Variants in MYH11 observed in about 807,000 individuals in gnomAD.
MYH11 encodes myosin-11.
Under a neutral mutation model 246.6 loss-of-function variants are expected in MYH11, and 80 were observed. The observed-to-expected ratio is 0.32, with a 90% CI of 0.27 to 0.39. MYH11 has a LOEUF of 0.39. MYH11 is among the 10% of genes least tolerant of loss of function. The pLI, the probability that MYH11 is intolerant of heterozygous loss-of-function variation, is 1.00. For missense variants in MYH11, 2,158 were observed against 2,546.8 expected, an observed-to-expected ratio of 0.85 and a Z score of 3.29; for synonymous variants, 1,071 against 1,015.5, an observed-to-expected ratio of 1.05 and a Z score of -1.04.
Position 15,721,419 on chromosome 16 carries a change from T to C in MYH11, c.4578+3A>G, listed in dbSNP as rs143288748. 2.1e-3 allele frequency: 3,392 copies of C among 1,614,072 alleles called. 7 individuals are homozygous for C. The highest frequency in any genetic ancestry group is 2.6e-3 in the Non-Finnish European group (3,060 of 1,179,950). On this transcript the variant is annotated splice_donor_region_variant and intron_variant, in intron 32 of 40. Transcript: ENST00000300036. ...ACGAGAAAAACCACCCAGAGCCACT[T>C]ACGTTCTTGCCCACGTCATCCTTGG...
intron 40 of MYH11, among the ~76,000 whole-genome samples, chr16:15,705,061 C>T (rs1402287507): frequency 6.6e-6 from 1 of 152,198 alleles, no homozygotes; most frequent in African/African-American, 2.4e-5. Flanking sequence ...CTCACTGCAA[C>T]CTCTGCCTCC....
chr16:15,735,992 C>T (rs2041106775), intron 25 of MYH11, among the ~76,000 whole-genome samples: 1 of 152,236 alleles, frequency 6.6e-6, no homozygotes, highest in Admixed American at 6.5e-5. Context: ...GCCCCATGCA[C>T]AGCATTTGGC....
At chr16:15,714,769 TAAG>T (rs750620258) in intron 40 of MYH11, 137 bp downstream of exon 40, 6 of 1,109,964 alleles carry the variant, frequency 5.4e-6, no homozygotes, top group Non-Finnish European at 8.0e-6. Flanking sequence ...GCTTAGTGAT[TAAG>T]GAGAAGCAGG....
In MYH11 at chr16:15,829,193, A is replaced by AT. The variant is rs577750249; in HGVS notation, c.346-5783_346-5782insA. ...GTGAGACTGTCTCAAAGAAAAAAAAAAAAAGAATAAAATGAATTTTTAAAA... is the reference window on the plus strand; with the variant it reads ...GTGAGACTGTCTCAAAGAAAAAAAAATAAAAGAATAAAATGAATTTTTAAAA... On this transcript the variant is annotated intron_variant, in intron 2 of 40. Transcript: ENST00000300036. Among the ~76,000 whole-genome samples the AT allele has an allele frequency of 5.4e-3, 827 of 152,190 alleles. 10 individuals carry two copies. Among genetic ancestry groups the AT allele is most frequent in the African/African-American group, 0.019 (788 of 41,532 alleles).
intron 1 of MYH11, among the ~76,000 whole-genome samples, chr16:15,849,601 C>G (rs566709419): frequency 2.0e-5 from 3 of 152,156 alleles, no homozygotes; most frequent in Non-Finnish European, 4.4e-5. Context: ...ACCAGAACAC[C>G]CAGCTAATTT....
chr16:15,855,803 A>G (rs1308114960), intron 1 of MYH11, among the ~76,000 whole-genome samples: 1 of 152,228 alleles, frequency 6.6e-6, no homozygotes, highest in Non-Finnish European at 1.5e-5. Context: ...TAAATCAAAG[A>G]AACAAAAAAC....
At chr16:15,708,755 A>G (rs928352490) in intron 40 of MYH11, 2 of 1,583,282 alleles carry the variant, frequency 1.3e-6, no homozygotes, top group African/African-American at 2.7e-5. Context: ...GGCAGAAAAG[A>G]AATGGATACT....
intron 40 of MYH11, among the ~76,000 whole-genome samples, chr16:15,706,141 A>G (rs1240053289): frequency 2.0e-5 from 3 of 152,184 alleles, no homozygotes; most frequent in East Asian, 3.8e-4. Flanking sequence ...TGCAGCGATC[A>G]GGAATAAATA....
At position 15,724,504 on chromosome 16, in the gene MYH11, C is replaced by T. The variant is rs970541413; in HGVS notation, c.4117-95G>A. Reference sequence around the variant, plus strand: ...CTCTGAGAAGCGAAGACCATGTCTCCTCGTTGGAGAAACCCAATAGCAGGG... The same window carrying T: ...CTCTGAGAAGCGAAGACCATGTCTCTTCGTTGGAGAAACCCAATAGCAGGG... On this transcript the variant is annotated intron_variant, in intron 30 of 40. Transcript: ENST00000300036. 5 of 1,608,424 alleles carry T rather than the reference C, an allele frequency of 3.1e-6. No homozygotes were observed. In the South Asian group the frequency reaches 4.4e-5, roughly 14 times the overall value.
At chr16:15,766,430 G>A (rs546661380) in intron 9 of MYH11, among the ~76,000 whole-genome samples, 1 of 151,162 alleles carries the variant, frequency 6.6e-6, no homozygotes, top group South Asian at 2.1e-4. Context: ...GTGCATTGGT[G>A]CAATCTCGGC....
At position 15,778,841 on chromosome 16, in the gene MYH11, G is replaced by T. The variant is rs1034272331; in HGVS notation, c.729C>A (p.Gly243=). ...CGTCGAAGTTGATGCGGATGAATTTGCCCTGCCAACAGGAAAACACAGTTC... is the reference window on the plus strand; with the variant it reads ...CGTCGAAGTTGATGCGGATGAATTTTCCCTGCCAACAGGAAAACACAGTTC... The part of the protein sequence containing the change: ...TVKNDNSSRF[G]KFIRINFDVT... The change falls in exon 7 of 41, where the codon GGC becomes GGA. Residue 243 remains glycine, a splice_region_variant and synonymous_variant. Transcript: ENST00000300036. The T allele has an allele frequency of 7.4e-6, 12 of 1,613,940 alleles. No homozygotes were observed. Among genetic ancestry groups the T allele is most frequent in the African/African-American group, 6.7e-5 (5 of 74,868 alleles).
intron 6 of MYH11, 134 bp downstream of exon 6, chr16:15,782,251 G>T: frequency 1.3e-6 from 1 of 751,870 alleles, no homozygotes; most frequent in Non-Finnish European, 2.4e-6. Flanking sequence ...AGGAGCCCTT[G>T]CAAGATTGTG....
At chr16:15,719,916 G>GTTCT (rs906403313) in intron 34 of MYH11, among the ~76,000 whole-genome samples, 1 of 152,172 alleles carries the variant, frequency 6.6e-6, no homozygotes, top group African/African-American at 2.4e-5. Flanking sequence ...AGACCTGCCT[G>GTTCT]AGAAGCTGAG....
Position 15,726,922 on chromosome 16 carries a change from G to A in MYH11, c.3784C>T (p.Gln1262Ter), listed in dbSNP as rs767764289. 1 of 1,612,900 alleles carries A rather than the reference G, an allele frequency of 6.2e-7. No individual in the cohort carries two copies. Among genetic ancestry groups the A allele is most frequent in the South Asian group, 1.1e-5 (1 of 91,072 alleles). ...HKKKKLEAQV[Q>*]ELQSKCSDGE... ...TCGCTGCACTTGGACTGCAGCTCCT[G>A]CACCTGCGCCTCCAGCTTCTTCTTC... Residue 1262 changes from glutamine to a stop codon, truncating the protein, a stop_gained, in exon 28 of 41, where the codon CAG becomes TAG. Transcript: ENST00000300036. LOFTEE classifies it high-confidence loss of function.
At chr16:15,845,738 G>A (rs1008979480) in intron 1 of MYH11, among the ~76,000 whole-genome samples, 2 of 152,076 alleles carry the variant, frequency 1.3e-5, no homozygotes, top group South Asian at 2.1e-4. Context: ...GAAGGAGAGA[G>A]AGAGAGAGAA....
At chr16:15,726,393 A>C (rs1238501132) in intron 28 of MYH11, 2 of 157,280 alleles carry the variant, frequency 1.3e-5, no homozygotes, top group African/African-American at 2.5e-5. Flanking sequence ...TTCCTGAGAC[A>C]GAGTTTTGCC....
At chr16:15,849,140 G>T (rs1265760912) in intron 1 of MYH11, among the ~76,000 whole-genome samples, 1 of 152,272 alleles carries the variant, frequency 6.6e-6, no homozygotes, top group South Asian at 2.1e-4. Flanking sequence ...ATAGCTTACT[G>T]CAGGCTCAAA....
chr16:15,717,305 G>T lies in MYH11; in HGVS notation c.5339C>A (p.Ala1780Asp). 6.2e-7 allele frequency: 1 copy of T among 1,612,078 alleles called. No individual in the cohort carries two copies. The highest frequency in any genetic ancestry group is 8.5e-7 in the Non-Finnish European group (1 of 1,180,018). The change falls in exon 38 of 41, where the codon GCC becomes GAC. Residue 1780 changes from alanine (A) to aspartate (D), a missense_variant. By Grantham distance (126) the Ala-to-Asp change is moderately radical. Around this residue, in one of 11 missense-constraint regions of MYH11, gnomAD observed 1,013 missense variants for 993.5 expected, o/e 1.02. Coordinates refer to ENST00000300036, the MANE Select transcript of MYH11 (RefSeq NM_002474.3). Reference sequence around the variant, plus strand: ...CTGCCGGGCACTCTCATTCTTCTGGGCCGTGCTGCGCTCTGTGGCCAGCTC... The same window carrying T: ...CTGCCGGGCACTCTCATTCTTCTGGTCCGTGCTGCGCTCTGTGGCCAGCTC... ...SNELATERST[A>D]QKNESARQQL...
In MYH11 at chr16:15,776,121, G is replaced by A. The variant is rs779250750; in HGVS notation, c.846C>T (p.His282=). The change falls in exon 8 of 41, where the codon CAC becomes CAT. Residue 282 remains histidine, a synonymous_variant. Coordinates refer to ENST00000300036, the MANE Select transcript of MYH11 (RefSeq NM_002474.3). ...IRQARDERTF[H]IFYYMIAGAK... ...CTCCAGCAATCATGTAGTAAAAGAT[G>A]TGGAATGTCCTCTCGTCTCTGGCTT... 1.2e-6 allele frequency: 2 copies of A among 1,614,150 alleles called. No homozygotes were observed. Among genetic ancestry groups the A allele is most frequent in the Non-Finnish European group, 1.7e-6 (2 of 1,179,978 alleles).
Sources: gnomAD v4.1 joint callset for allele counts (sites outside exome capture counted in the v4.1 genomes callset) on GRCh38, gnomAD v4.1.1 for gene constraint, gnomAD v4.1.1 regional missense constraint, MANE v1.5 for transcripts, NCBI Gene and HGNC (gene_info 2026-07-23, HGNC 2026-07-21) for gene names.